ODF2: variants seen among roughly 807,000 people sequenced by gnomAD.
The protein encoded by ODF2 is outer dense fiber of sperm tails 2.
ODF2 carries 47 observed loss-of-function variants against 110.2 expected under a neutral mutation model. That is an observed-to-expected ratio of 0.43 (90% confidence interval 0.34 to 0.54). The LOEUF (loss-of-function observed/expected upper bound fraction) is 0.54. Ranked by LOEUF, ODF2 falls within the 20% of genes least tolerant of loss-of-function variation. ODF2 has a pLI of 0.03. For synonymous variants in ODF2, 352 were observed against 397.7 expected (o/e 0.89, Z 1.37); for missense variants, 812 against 1,054.5 (o/e 0.77, Z 3.19).
At chr9:128,460,452 C>CT in intron 3 of ODF2, 98 bp from the exon 3 acceptor site, 1 of 1,540,844 alleles carries the variant, frequency 6.5e-7, no homozygotes, top group Non-Finnish European at 8.7e-7. Context: ...GGTGGCTAGG[C>CT]TTTTTGGTGG....
chr9:128,476,176 C>G (rs1841219633), intron 8 of ODF2, among the ~76,000 whole-genome samples: 1 of 152,092 alleles, frequency 6.6e-6, no homozygotes, highest in African/African-American at 2.4e-5. Context: ...GATATATTAG[C>G]AAATATTGCA....
chr9:128,473,603 C>T lies in ODF2; in HGVS notation c.712-7C>T, dbSNP rs1840578294. The T allele has an allele frequency of 6.2e-7, 1 of 1,613,276 alleles. No homozygotes were observed. The highest frequency in any genetic ancestry group is 8.5e-7 in the Non-Finnish European group (1 of 1,179,702). ...TGCATCTGTAAGACTGGCTACTTGTCTTCCAGGAGAAACAAATGACCTGCA... is the reference window on the plus strand; with the variant it reads ...TGCATCTGTAAGACTGGCTACTTGTTTTCCAGGAGAAACAAATGACCTGCA... On this transcript the variant is annotated splice_polypyrimidine_tract_variant and splice_region_variant and intron_variant, in intron 7 of 20. Transcript: ENST00000604420.
chr9:128,475,721 C>A (rs898467068), intron 8 of ODF2, among the ~76,000 whole-genome samples: 1 of 151,980 alleles, frequency 6.6e-6, no homozygotes, highest in African/African-American at 2.4e-5. Flanking sequence ...TCTCTGTTCA[C>A]TGCAACCTCC....
intron 8 of ODF2, among the ~76,000 whole-genome samples, chr9:128,479,168 G>A (rs1841945595): frequency 6.6e-6 from 1 of 152,128 alleles, no homozygotes; most frequent in Admixed American, 6.6e-5. Context: ...GTTCCTAGGT[G>A]CCCAGGAAAC....
chr9:128,461,559 C>T lies in ODF2; in HGVS notation c.249+492C>T, dbSNP rs1439665218. Among the ~76,000 whole-genome samples the T allele has an allele frequency of 2.6e-5, 4 of 152,148 alleles. No homozygotes were observed. In the South Asian group the frequency reaches 8.3e-4, roughly 31 times the overall value. On this transcript the variant is annotated intron_variant, in intron 4 of 20. Coordinates refer to ENST00000604420, the Ensembl canonical transcript of ODF2. Reference sequence around the variant, plus strand: ...TCAGCCTCCCTAGTAGCTGGGACTACAGGCGCCCGCCACCACTTACGTCTG... The same window carrying T: ...TCAGCCTCCCTAGTAGCTGGGACTATAGGCGCCCGCCACCACTTACGTCTG...
chr9:128,464,634 G>A (rs368270325), intron 4 of ODF2, among the ~76,000 whole-genome samples: 7 of 150,478 alleles, frequency 4.7e-5, no homozygotes, highest in African/African-American at 1.2e-4. Context: ...GAGTTAGCTG[G>A]GACTCAGGCA....
chr9:128,483,822 G>A, intron 10 of ODF2, 116 bp from the exon 11 acceptor site: 1 of 752,240 alleles, frequency 1.3e-6, no homozygotes, highest in Non-Finnish European at 2.4e-6. Context: ...AGAGGTGGAG[G>A]TTGCAGTGAG....
chr9:128,462,146 CT>C (rs917703238), intron 4 of ODF2, among the ~76,000 whole-genome samples: 180 of 143,738 alleles, frequency 1.3e-3, no homozygotes, highest in East Asian at 1.4e-3. Context: ...ATCAATGAAT[CT>C]TTTTTTTTTT....
At chr9:128,497,443 AAAAATATATATAT>A (rs1217523104) in intron 18 of ODF2, 4 of 84,288 alleles carry the variant, frequency 4.7e-5, no homozygotes, top group African/African-American at 3.0e-4. Context: ...AAAAAAAAAA[AAAAATATATATAT>A]ATATATATAT....
At chr9:128,455,786 A>G (rs969362798), upstream of ODF2, among the ~76,000 whole-genome samples, 3 of 152,030 alleles carry the variant, frequency 2.0e-5, no homozygotes, top group Non-Finnish European at 2.9e-5. Context: ...AACTAGTTCC[A>G]TGGGTCCTCT....
intron 4 of ODF2, chr9:128,461,510 C>G (rs1836443587): frequency 6.5e-6 from 1 of 155,034 alleles, no homozygotes; most frequent in Non-Finnish European, 1.4e-5. Flanking sequence ...CCTCTGCCTC[C>G]CAGGTTCAAG....
intron 19 of ODF2, 52 bp downstream of exon 19, chr9:128,498,627 T>A: frequency 9.8e-7 from 1 of 1,017,944 alleles, no homozygotes; most frequent in Non-Finnish European, 1.5e-6. Context: ...GCAAATCACC[T>A]AAACTCTCAG....
At chr9:128,483,133 A>G (rs906000202) in intron 10 of ODF2, among the ~76,000 whole-genome samples, 3 of 152,048 alleles carry the variant, frequency 2.0e-5, no homozygotes, top group Non-Finnish European at 4.4e-5. Flanking sequence ...TGACCTCGTG[A>G]TCTGCCTGCC....
chr9:128,484,538 C>T (rs1843010897), intron 11 of ODF2, among the ~76,000 whole-genome samples, 163 bp from the exon 12 acceptor site: 1 of 152,082 alleles, frequency 6.6e-6, no homozygotes, highest in African/African-American at 2.4e-5. Context: ...GTCTCTGGTC[C>T]GAGTTAGGGG....
chr9:128,491,991 G>A (rs192666655), intron 14 of ODF2, among the ~76,000 whole-genome samples: 196 of 150,234 alleles, frequency 1.3e-3, no homozygotes, highest in African/African-American at 4.5e-3. Flanking sequence ...TCAGCCTCCC[G>A]AGTAGCTGGG....
At chr9:128,499,981 G>T (rs1564537779) in intron 20 of ODF2, 86 bp from the exon 21 acceptor site, 24 of 1,461,766 alleles carry the variant, frequency 1.6e-5, no homozygotes, top group Non-Finnish European at 2.1e-5. Flanking sequence ...AAACCTCCTG[G>T]CAACTCCTAA....
intron 9 of ODF2, among the ~76,000 whole-genome samples, chr9:128,481,875 CAT>C (rs1380911083): frequency 6.6e-6 from 1 of 152,188 alleles, no homozygotes; most frequent in African/African-American, 2.4e-5. Context: ...TGGACACCAA[CAT>C]AGAGAGGGTA....
chr9:128,490,731 C>G (rs563770635), intron 14 of ODF2, among the ~76,000 whole-genome samples: 1 of 152,290 alleles, frequency 6.6e-6, no homozygotes, highest in South Asian at 2.1e-4. Flanking sequence ...CAAGCACACA[C>G]ACATCCACTC....
intron 16 of ODF2, among the ~76,000 whole-genome samples, chr9:128,493,133 C>T (rs1168637725): frequency 6.6e-6 from 1 of 151,898 alleles, no homozygotes; most frequent in Non-Finnish European, 1.5e-5. Context: ...ACCTGTAATC[C>T]CAGCACTTTG....
Sources: gnomAD v4.1 joint callset for allele counts (sites outside exome capture counted in the v4.1 genomes callset) on GRCh38, gnomAD v4.1.1 for gene constraint, MANE v1.5 for transcripts, NCBI Gene and HGNC (gene_info 2026-07-23, HGNC 2026-07-21) for gene names.